CNTN1: variants seen among roughly 807,000 people sequenced by gnomAD.
The protein encoded by CNTN1 is contactin-1.
Under a neutral mutation model 126.4 loss-of-function variants are expected in CNTN1, and 38 were observed. The ratio of observed to expected loss-of-function variants is 0.30; its 90% CI spans 0.23 to 0.39. The LOEUF is 0.39. Among genes scored for constraint, CNTN1 ranks in the 10% least tolerant of loss-of-function variants. CNTN1 has a pLI of 1.00. For missense variants in CNTN1, 1,009 were observed against 1,248.4 expected, an observed-to-expected ratio of 0.81 and a Z score of 2.89; for synonymous variants, 413 against 422.6, an observed-to-expected ratio of 0.98 and a Z score of 0.28.
intron 1 of CNTN1, among the ~76,000 whole-genome samples, chr12:40,848,531 T>C (rs2772459): frequency 1.3e-5 from 2 of 151,986 alleles, no homozygotes; most frequent in Non-Finnish European, 2.9e-5. Flanking sequence ...TTGTTTTGAA[T>C]GAGTCAAGAG....
chr12:40,917,897 T>C (rs1162051488), intron 3 of CNTN1, among the ~76,000 whole-genome samples: 1 of 152,166 alleles, frequency 6.6e-6, no homozygotes, highest in Non-Finnish European at 1.5e-5. Flanking sequence ...ATCCGTGTAA[T>C]TTATTGATTG....
chr12:40,878,306 T>TAAA (rs200512380), intron 1 of CNTN1, among the ~76,000 whole-genome samples: 27 of 143,076 alleles, frequency 1.9e-4, no homozygotes, highest in East Asian at 6.0e-4. Flanking sequence ...AAGAAACAAT[T>TAAA]AAAAAAAAAA....
At chr12:41,040,355 G>A (rs547455930) in intron 23 of CNTN1, among the ~76,000 whole-genome samples, 17 of 152,280 alleles carry the variant, frequency 1.1e-4, no homozygotes, top group African/African-American at 3.6e-4. Context: ...TAGCAAAGAA[G>A]CAGAGAGAGA....
chr12:40,725,074 G>A (rs1430313359), intron 1 of CNTN1, among the ~76,000 whole-genome samples: 4 of 152,104 alleles, frequency 2.6e-5, no homozygotes, highest in Admixed American at 1.3e-4. Context: ...TCTCAGGCCC[G>A]TTACCTCCCT....
intron 3 of CNTN1, among the ~76,000 whole-genome samples, chr12:40,911,291 A>C (rs1474761559): frequency 6.6e-6 from 1 of 152,100 alleles, no homozygotes; most frequent in Non-Finnish European, 1.5e-5. Context: ...CATATTAGCC[A>C]GGATGGTCTC....
intron 1 of CNTN1, among the ~76,000 whole-genome samples, chr12:40,721,791 A>C (rs1322462295): frequency 6.8e-6 from 1 of 147,558 alleles, no homozygotes; most frequent in Non-Finnish European, 1.5e-5. Context: ...TATGAGTGAG[A>C]ACATGCAGTG....
Position 40,908,445 on chromosome 12 carries a change from T to C in CNTN1, c.13T>C (p.Leu5=), listed in dbSNP as rs748278519. 1.2e-6 allele frequency: 2 copies of C among 1,613,102 alleles called. No homozygotes were observed. The highest frequency in any genetic ancestry group is 2.2e-5 in the East Asian group (1 of 44,788). MKMW[L]LVSHLVIISI... ...TACTGAATACAAGATGAAAATGTGGTTGCTGGTCAGTCATCTTGTGATAAT... is the reference window on the plus strand; with the variant it reads ...TACTGAATACAAGATGAAAATGTGGCTGCTGGTCAGTCATCTTGTGATAAT... The change falls in exon 2 of 24, where the codon TTG becomes CTG. Residue 5 remains leucine (L), a synonymous_variant. Coordinates refer to ENST00000551295, the MANE Select transcript of CNTN1 (RefSeq NM_001843.4).
intron 1 of CNTN1, among the ~76,000 whole-genome samples, chr12:40,840,534 AATATAC>A (rs765337579): frequency 1.3e-4 from 20 of 152,246 alleles, no homozygotes; most frequent in Non-Finnish European, 2.5e-4. Flanking sequence ...GCGATGGCAG[AATATAC>A]ATTCCTATCA....
intron 21 of CNTN1, 113 bp downstream of exon 21, chr12:41,025,449 T>C: frequency 1.0e-6 from 1 of 997,842 alleles, no homozygotes. Flanking sequence ...CATTTTTCAA[T>C]ATCCTTTACA....
intron 1 of CNTN1, among the ~76,000 whole-genome samples, chr12:40,696,119 C>G (rs1565611109): frequency 6.6e-6 from 1 of 152,150 alleles, no homozygotes; most frequent in East Asian, 1.9e-4. Context: ...AAGGTTTGGC[C>G]CATGGTAATT....
chr12:40,755,879 G>A (rs1899829), intron 1 of CNTN1, among the ~76,000 whole-genome samples: 30,656 of 151,990 alleles, frequency 0.2, 3,226 homozygotes, highest in Middle Eastern at 0.27. Flanking sequence ...GATATTAATA[G>A]CTTAAGGAGA....
chr12:40,864,183 AT>A (rs573486187), intron 1 of CNTN1, among the ~76,000 whole-genome samples: 1 of 150,902 alleles, frequency 6.6e-6, no homozygotes, highest in African/African-American at 2.4e-5. Context: ...CGCCCAGCTA[AT>A]TTTTTGTATT....
chr12:40,878,317 AAAG>A (rs892846924), intron 1 of CNTN1, among the ~76,000 whole-genome samples: 1 of 151,068 alleles, frequency 6.6e-6, no homozygotes, highest in Non-Finnish European at 1.5e-5. Context: ...AAAAAAAAAA[AAAG>A]AACCCTGTTC....
At chr12:40,746,152 C>T (rs569194577) in intron 1 of CNTN1, among the ~76,000 whole-genome samples, 33 of 152,222 alleles carry the variant, frequency 2.2e-4, no homozygotes, top group Admixed American at 3.3e-4. Context: ...CATCAAGGTA[C>T]AGGTATTGGC....
At chr12:40,955,459 A>G (rs1334329548) in intron 14 of CNTN1, among the ~76,000 whole-genome samples, 1 of 152,078 alleles carries the variant, frequency 6.6e-6, no homozygotes, top group Non-Finnish European at 1.5e-5. Context: ...GAAATATATC[A>G]TTCCTGGTAG....
chr12:40,916,403 T>C (rs938383135), intron 3 of CNTN1, among the ~76,000 whole-genome samples: 1 of 152,050 alleles, frequency 6.6e-6, no homozygotes, highest in Non-Finnish European at 1.5e-5. Context: ...AAAAATAGCG[T>C]ATGATTTTTA....
At chr12:40,928,196 G>T (rs1462012675) in intron 6 of CNTN1, among the ~76,000 whole-genome samples, 1 of 151,892 alleles carries the variant, frequency 6.6e-6, no homozygotes. Context: ...ATTTTTAACA[G>T]AAATCCTTAC....
At chr12:40,727,157 C>T (rs574846345) in intron 1 of CNTN1, among the ~76,000 whole-genome samples, 4 of 151,016 alleles carry the variant, frequency 2.6e-5, no homozygotes, top group Admixed American at 2.0e-4. Context: ...GATGATTACA[C>T]TTCTTCAAGG....
intron 1 of CNTN1, among the ~76,000 whole-genome samples, chr12:40,880,709 C>T (rs1033110220): frequency 1.3e-5 from 2 of 151,968 alleles, no homozygotes; most frequent in African/African-American, 2.4e-5. Flanking sequence ...TTGATACATA[C>T]GACTGAAAAG....
Sources: gnomAD v4.1 joint callset for allele counts (sites outside exome capture counted in the v4.1 genomes callset) on GRCh38, gnomAD v4.1.1 for gene constraint, MANE v1.5 for transcripts, NCBI Gene and HGNC (gene_info 2026-07-23, HGNC 2026-07-21) for gene names.